AOAH: variants seen among roughly 807,000 people sequenced by gnomAD.
AOAH encodes acyloxyacyl hydrolase, also known as acyloxyacyl hydrolase (neutrophil).
Under a neutral mutation model 92.2 loss-of-function variants are expected in AOAH, and 64 were observed. The observed-to-expected ratio is 0.69, with a 90% CI of 0.57 to 0.86. The LOEUF (loss-of-function observed/expected upper bound fraction) is 0.86. Ranked by LOEUF, AOAH falls within the 40% of genes least tolerant of loss-of-function variation. The probability of loss-of-function intolerance (pLI) is 0.00; values close to 1 mark genes in which losing one functional copy is unlikely to be tolerated. For synonymous variants in AOAH, 263 were observed against 254.5 expected (o/e 1.03, Z -0.32); for missense variants, 656 against 694.6 (o/e 0.94, Z 0.62).
intron 15 of AOAH, 134 bp downstream of exon 15, chr7:36,548,478 G>C (rs1306012125): frequency 1.4e-6 from 1 of 693,182 alleles, no homozygotes; most frequent in Non-Finnish European, 2.4e-6. Flanking sequence ...GAGCCCCTGT[G>C]CCCGGCCGTG....
chr7:36,715,013 A>G (rs1424023684), intron 1 of AOAH, among the ~76,000 whole-genome samples: 1 of 152,178 alleles, frequency 6.6e-6, no homozygotes, highest in African/African-American at 2.4e-5. Context: ...AAGGGCATTC[A>G]ATTAGGAAAA....
At chr7:36,533,817 G>C (rs1418562406) in intron 16 of AOAH, among the ~76,000 whole-genome samples, 2 of 151,594 alleles carry the variant, frequency 1.3e-5, no homozygotes, top group Admixed American at 1.3e-4. Context: ...TCCTGGCTTC[G>C]CTCTTTCCCT....
chr7:36,667,927 A>G (rs1795646551), intron 3 of AOAH, among the ~76,000 whole-genome samples: 1 of 152,122 alleles, frequency 6.6e-6, no homozygotes, highest in South Asian at 2.1e-4. Context: ...CTTTTAATCT[A>G]TATTTATCTT....
intron 3 of AOAH, among the ~76,000 whole-genome samples, chr7:36,664,979 C>T (rs950552216): frequency 6.6e-6 from 1 of 152,174 alleles, no homozygotes; most frequent in Non-Finnish European, 1.5e-5. Flanking sequence ...TCGCTCATTA[C>T]CAAGGGGATG....
chr7:36,536,906 C>T (rs1465018964), intron 16 of AOAH, among the ~76,000 whole-genome samples: 2 of 135,604 alleles, frequency 1.5e-5, no homozygotes, highest in Non-Finnish European at 3.1e-5. Context: ...GCTATGATCG[C>T]ACCACTGCAT....
rs143365862 is a variant in AOAH at position 36,639,059 on chromosome 7, C to T, written c.391-1149G>A. 1.5e-4 allele frequency among the ~76,000 whole-genome samples: 23 copies of T among 152,334 alleles called. No individual in the cohort carries two copies. In the East Asian group the frequency reaches 3.9e-3, roughly 26 times the overall value. ...GCTCCAACTGCACCCAGTATCCATTCTGATTAGTTGGCAGTAGGCCAAAAG... is the reference window on the plus strand; with the variant it reads ...GCTCCAACTGCACCCAGTATCCATTTTGATTAGTTGGCAGTAGGCCAAAAG... On this transcript the variant is annotated intron_variant, in intron 4 of 20. Transcript: ENST00000617537.
intron 2 of AOAH, among the ~76,000 whole-genome samples, chr7:36,677,989 C>T (rs1180906083): frequency 6.6e-6 from 1 of 152,144 alleles, no homozygotes; most frequent in Non-Finnish European, 1.5e-5. Flanking sequence ...CATGTAGTTT[C>T]TTTCTGGTGT....
chr7:36,724,282 C>T lies in AOAH; in HGVS notation c.-134G>A. On this transcript the variant is annotated 5_prime_UTR_variant, in exon 1 of 21. Coordinates refer to ENST00000617537, the MANE Select transcript of AOAH (RefSeq NM_001637.4). The stretch of plus-strand genomic sequence containing the variant: ...ACTCTCTTTGACACACACACCCCAC[C>T]CTCTCACATACACACTTTTCAATAA... The T allele has an allele frequency of 1.0e-6, 1 of 967,190 alleles. No individual in the cohort carries two copies. Among genetic ancestry groups the T allele is most frequent in the Non-Finnish European group, 1.6e-6 (1 of 642,102 alleles). The allele number at this position is 967,190 out of a possible 1,614,324, so 59.9% of individuals were successfully genotyped here. A position where few individuals can be genotyped will look rare whatever the true frequency, so the allele number is the denominator to read the frequency against.
chr7:36,600,869 G>A (rs903588648), intron 11 of AOAH, among the ~76,000 whole-genome samples: 7 of 152,304 alleles, frequency 4.6e-5, no homozygotes, highest in Middle Eastern at 3.4e-3. Context: ...GAGAGCTGCC[G>A]CCATCTTTTC....
chr7:36,714,054 G>C (rs1798961737), intron 1 of AOAH, among the ~76,000 whole-genome samples: 1 of 152,072 alleles, frequency 6.6e-6, no homozygotes, highest in South Asian at 2.1e-4. Context: ...TTTTTGAAAA[G>C]ATCAACAAAA....
chr7:36,517,346 A>C (rs1562854398), intron 20 of AOAH, among the ~76,000 whole-genome samples: 1 of 147,344 alleles, frequency 6.8e-6, no homozygotes, highest in Admixed American at 6.8e-5. Flanking sequence ...GCTGGAGTGC[A>C]GTGGCCAGAT....
chr7:36,629,354 C>T (rs1686947128), intron 6 of AOAH, among the ~76,000 whole-genome samples: 1 of 152,064 alleles, frequency 6.6e-6, no homozygotes, highest in Admixed American at 6.6e-5. Context: ...TCACTTTGAC[C>T]CTGTTGTGTC....
intron 20 of AOAH, among the ~76,000 whole-genome samples, chr7:36,518,038 G>C (rs1783912653): frequency 6.6e-6 from 1 of 151,826 alleles, no homozygotes; most frequent in Non-Finnish European, 1.5e-5. Flanking sequence ...GTCGAATTTA[G>C]ACACAGTAAA....
chr7:36,632,906 T>G (rs1793233870), intron 5 of AOAH, among the ~76,000 whole-genome samples: 1 of 152,224 alleles, frequency 6.6e-6, no homozygotes, highest in South Asian at 2.1e-4. Context: ...ATTTTTGAGA[T>G]GCCTGCCCAG....
At chr7:36,554,800 T>C (rs1583805762) in intron 13 of AOAH, among the ~76,000 whole-genome samples, 1 of 151,508 alleles carries the variant, frequency 6.6e-6, no homozygotes, top group East Asian at 1.9e-4. Context: ...GTTATTGGTG[T>C]ATAAGAATGC....
intron 4 of AOAH, among the ~76,000 whole-genome samples, chr7:36,655,931 G>A (rs1262674553): frequency 6.6e-6 from 1 of 152,106 alleles, no homozygotes; most frequent in Non-Finnish European, 1.5e-5. Context: ...TATGATAAGA[G>A]GGCTATCTAA....
chr7:36,608,218 C>A (rs1791147085), intron 11 of AOAH, among the ~76,000 whole-genome samples: 1 of 152,248 alleles, frequency 6.6e-6, no homozygotes, highest in Non-Finnish European at 1.5e-5. Context: ...ATCCAGTTAT[C>A]TTAGTGGCGT....
At chr7:36,717,447 T>C (rs1799285481) in intron 1 of AOAH, among the ~76,000 whole-genome samples, 1 of 150,676 alleles carries the variant, frequency 6.6e-6, no homozygotes, top group Admixed American at 6.6e-5. Flanking sequence ...CTGGAATTGG[T>C]AACCAGAAGG....
chr7:36,687,790 C>T lies in AOAH; in HGVS notation c.128-996G>A, dbSNP rs111763258. On this transcript the variant is annotated intron_variant, in intron 1 of 20. Coordinates refer to ENST00000617537, the MANE Select transcript of AOAH (RefSeq NM_001637.4). ...GGAGCTAGAGACCCACATTTACATA[C>T]GTGGTGTCATTTAAACCAAATTCCC... is the stretch of plus-strand genomic sequence containing the variant. 1.5e-3 allele frequency among the ~76,000 whole-genome samples: 224 copies of T among 152,250 alleles called. 1 individual carries two copies. The highest frequency in any genetic ancestry group is 2.3e-3 in the Non-Finnish European group (157 of 68,018).
Sources: gnomAD v4.1 joint callset for allele counts (sites outside exome capture counted in the v4.1 genomes callset) on GRCh38, gnomAD v4.1.1 for gene constraint, MANE v1.5 for transcripts, NCBI Gene and HGNC (gene_info 2026-07-23, HGNC 2026-07-21) for gene names.